The following CCDC178 variants were observed in gnomAD, a reference collection of about 807,000 sequenced individuals.
The protein encoded by CCDC178 is coiled-coil domain containing 178.
CCDC178 carries 126 observed loss-of-function variants against 117.4 expected under a neutral mutation model. That is an observed-to-expected ratio of 1.07 (90% confidence interval 0.93 to 1.24). The LOEUF is 1.24. Among genes scored for constraint, CCDC178 ranks in the 50% most tolerant of loss-of-function variants. The pLI, the probability that CCDC178 is intolerant of heterozygous loss-of-function variation, is 0.00. For missense variants in CCDC178, 1,030 were observed against 986.9 expected (o/e 1.04, Z -0.59); for synonymous variants, 283 against 313.4 (o/e 0.90, Z 1.02).
At chr18:33,188,943 T>G (rs1393930637) in intron 20 of CCDC178, among the ~76,000 whole-genome samples, 1 of 152,150 alleles carries the variant, frequency 6.6e-6, no homozygotes, top group Non-Finnish European at 1.5e-5. Context: ...ATCGTCTGAT[T>G]GAACTTGAAG....
At chr18:33,230,901 C>T (rs1296137661) in intron 15 of CCDC178, among the ~76,000 whole-genome samples, 1 of 152,246 alleles carries the variant, frequency 6.6e-6, no homozygotes, top group Non-Finnish European at 1.5e-5. Flanking sequence ...GCTAAACGTT[C>T]AAGTTCTTCA....
intron 20 of CCDC178, among the ~76,000 whole-genome samples, chr18:33,209,684 C>T (rs1297200032): frequency 6.6e-6 from 1 of 151,992 alleles, no homozygotes; most frequent in Non-Finnish European, 1.5e-5. Flanking sequence ...AATGATAAGG[C>T]ACATCAATCT....
At chr18:32,945,635 G>T (rs2054329365) in intron 22 of CCDC178, among the ~76,000 whole-genome samples, 1 of 152,054 alleles carries the variant, frequency 6.6e-6, no homozygotes, top group Non-Finnish European at 1.5e-5. Flanking sequence ...ACATATTGAA[G>T]CACTTAAGAG....
chr18:33,227,577 T>C (rs1419879392), intron 15 of CCDC178, among the ~76,000 whole-genome samples: 269 of 138,648 alleles, frequency 1.9e-3, no homozygotes, highest in African/African-American at 4.2e-3. Context: ...TATATATATA[T>C]ATACACACAC....
intron 20 of CCDC178, among the ~76,000 whole-genome samples, chr18:33,120,997 T>A (rs1236706523): frequency 6.6e-6 from 1 of 152,098 alleles, no homozygotes; most frequent in Admixed American, 6.6e-5. Flanking sequence ...TTAAAAGCCA[T>A]ATATGAGTGA....
chr18:33,120,175 A>C (rs1358926072), intron 20 of CCDC178, among the ~76,000 whole-genome samples: 2 of 150,520 alleles, frequency 1.3e-5, no homozygotes, highest in Non-Finnish European at 2.9e-5. Flanking sequence ...CCTACAACTT[A>C]AAGTATAATA....
intron 20 of CCDC178, among the ~76,000 whole-genome samples, chr18:33,199,784 C>T (rs1000491766): frequency 4.6e-5 from 7 of 152,146 alleles, no homozygotes; most frequent in Non-Finnish European, 7.3e-5. Flanking sequence ...CTTATAATTT[C>T]TGCAACCGTA....
At chr18:33,138,888 G>A (rs960740613) in intron 20 of CCDC178, among the ~76,000 whole-genome samples, 1 of 152,132 alleles carries the variant, frequency 6.6e-6, no homozygotes, top group African/African-American at 2.4e-5. Flanking sequence ...AGGAGATACT[G>A]AAAACTTTGA....
chr18:33,357,501 G>A (rs1159384043), intron 6 of CCDC178, among the ~76,000 whole-genome samples: 3 of 152,124 alleles, frequency 2.0e-5, no homozygotes, highest in Non-Finnish European at 2.9e-5. Flanking sequence ...CTAACAGTCA[G>A]AAGTACATGA....
At chr18:33,311,577 TCTTCTTCAATGTGC>T (rs986492144) in intron 11 of CCDC178, among the ~76,000 whole-genome samples, 9 of 152,174 alleles carry the variant, frequency 5.9e-5, no homozygotes, top group African/African-American at 9.7e-5. Context: ...CACCAATGTG[TCTTCTTCAATGTGC>T]CTTCTTCAAT....
At chr18:33,117,890 A>G (rs1229779561) in intron 20 of CCDC178, among the ~76,000 whole-genome samples, 1 of 152,022 alleles carries the variant, frequency 6.6e-6, no homozygotes, top group African/African-American at 2.4e-5. Context: ...TTCCATTGAC[A>G]TTTATCACAA....
Position 33,245,241 on chromosome 18 carries a change from CA to C in CCDC178, c.1593+3del. 1 of 1,564,334 alleles carries C rather than the reference CA, an allele frequency of 6.4e-7. No homozygotes were observed. The highest frequency in any genetic ancestry group is 8.6e-7 in the Non-Finnish European group (1 of 1,159,308). On this transcript the variant is annotated splice_donor_region_variant and intron_variant, in intron 15 of 22. Transcript: ENST00000383096. ...TGAGTAAGAGGAACACAAAGATACACAACCTTGAACTTTCTTCTCACTTCTG... is the reference window on the plus strand; with the variant it reads ...TGAGTAAGAGGAACACAAAGATACACACCTTGAACTTTCTTCTCACTTCTG...
At chr18:33,194,918 A>AAAAG (rs1555659378) in intron 20 of CCDC178, among the ~76,000 whole-genome samples, 2 of 144,260 alleles carry the variant, frequency 1.4e-5, no homozygotes, top group African/African-American at 5.4e-5. Flanking sequence ...AAAAAAAAAA[A>AAAAG]AGAGAGAGAG....
intron 9 of CCDC178, among the ~76,000 whole-genome samples, chr18:33,340,161 G>C (rs1301252907): frequency 6.6e-6 from 1 of 152,124 alleles, no homozygotes; most frequent in Admixed American, 6.5e-5. Context: ...TAAGAAACTT[G>C]TTGGGAACTT....
chr18:33,019,998 T>G, intron 21 of CCDC178, among the ~76,000 whole-genome samples: 1 of 150,486 alleles, frequency 6.6e-6, no homozygotes, highest in East Asian at 1.9e-4. Flanking sequence ...CAGGCTTGAG[T>G]GCAGTGGTGC....
At chr18:33,123,860 A>G (rs2057969178) in intron 20 of CCDC178, among the ~76,000 whole-genome samples, 1 of 152,178 alleles carries the variant, frequency 6.6e-6, no homozygotes, top group South Asian at 2.1e-4. Flanking sequence ...CAGCAAATAT[A>G]TTACAAAAAC....
rs763879760 is a variant in CCDC178 at position 33,294,863 on chromosome 18, T to C, written c.1023-1551A>G. On this transcript the variant is annotated intron_variant, in intron 11 of 22. Transcript: ENST00000383096. ...CCACTGTCATGCAATTTGGGAGTTA[T>C]TATTTTAGTGGTTCACTTATTCCAA... 8.5e-5 allele frequency among the ~76,000 whole-genome samples: 13 copies of C among 152,214 alleles called. No individual in the cohort carries two copies. In the East Asian group the frequency reaches 9.6e-4, roughly 11 times the overall value.
chr18:33,156,807 C>T (rs571968793), intron 20 of CCDC178, among the ~76,000 whole-genome samples: 4 of 152,184 alleles, frequency 2.6e-5, no homozygotes, highest in African/African-American at 7.2e-5. Flanking sequence ...AATAGATGTA[C>T]GTACCAGAGA....
intron 22 of CCDC178, among the ~76,000 whole-genome samples, chr18:32,938,894 G>GT (rs1471608356): frequency 3.9e-5 from 6 of 152,248 alleles, no homozygotes; most frequent in Admixed American, 3.9e-4. Flanking sequence ...AATATGTACT[G>GT]TAACTGTGTG....
Sources: allele counts gnomAD v4.1 joint callset (sites outside exome capture counted in the v4.1 genomes callset), GRCh38; gene constraint gnomAD v4.1.1; transcripts MANE v1.5; gene names NCBI Gene and HGNC (gene_info 2026-07-23, HGNC 2026-07-21).